The following TENT5D variants were observed in gnomAD, a reference collection of about 807,000 sequenced individuals.
TENT5D encodes the protein cancer/testis antigen 112.
For synonymous variants in TENT5D, 103 were observed against 100.6 expected (o/e 1.02, Z -0.15); for missense variants, 191 against 287.0 (o/e 0.67, Z 2.42).
chrX:80,413,636 T>C (rs1460370462), intron 3 of TENT5D, among the ~76,000 whole-genome samples: 2 of 111,942 alleles, frequency 1.8e-5, no homozygotes, highest in South Asian at 3.7e-4. Context: ...TTCTTCCTCA[T>C]TTTTCTCTTG....
At chrX:80,357,882 G>T (rs111524715) in intron 3 of TENT5D, among the ~76,000 whole-genome samples, 1,161 of 111,516 alleles carry the variant, frequency 0.01, 27 homozygotes, top group African/African-American at 0.036. Context: ...AACGAACAAC[G>T]CTGGAGGCAT....
intron 3 of TENT5D, among the ~76,000 whole-genome samples, chrX:80,374,190 T>C (rs1005011088): frequency 1.8e-5 from 2 of 111,870 alleles, no homozygotes; most frequent in Non-Finnish European, 3.8e-5. Context: ...TTTTTTTGGC[T>C]GCGTAGTATT....
At chrX:80,392,719 TGTTAGCCAGG>T (rs1931159525) in intron 3 of TENT5D, among the ~76,000 whole-genome samples, 1 of 104,440 alleles carries the variant, frequency 9.6e-6, no homozygotes, top group African/African-American at 3.5e-5. Flanking sequence ...GGTTTCACCT[TGTTAGCCAGG>T]ATGGTCTCGA....
chrX:80,401,057 A>C (rs1931381809), intron 3 of TENT5D, among the ~76,000 whole-genome samples: 1 of 112,002 alleles, frequency 8.9e-6, no homozygotes, highest in Non-Finnish European at 1.9e-5. Context: ...AATGTAAGCT[A>C]TCTTTCCATT....
At chrX:80,430,202 T>G (rs1486495043) in intron 1 of TENT5D, among the ~76,000 whole-genome samples, 7 of 111,712 alleles carry the variant, frequency 6.3e-5, no homozygotes, top group African/African-American at 9.8e-5. Flanking sequence ...CTTTATATAT[T>G]TATTGGGGTC....
chrX:80,424,675 C>A (rs1472189458), intron 1 of TENT5D, among the ~76,000 whole-genome samples: 1 of 112,408 alleles, frequency 8.9e-6, no homozygotes, highest in Non-Finnish European at 1.9e-5. Context: ...TTTCTCCAGT[C>A]CTCATTTTTG....
chrX:80,341,571 A>T (rs1422936811), intron 2 of TENT5D, among the ~76,000 whole-genome samples: 1 of 111,967 alleles, frequency 8.9e-6, no homozygotes, highest in Non-Finnish European at 1.9e-5. Context: ...CATAAAGCAT[A>T]TCAGGTTAAA....
At chrX:80,335,613 A>G (rs1929831713) in intron 1 of TENT5D, 1 of 111,414 alleles carries the variant, frequency 9.0e-6, no homozygotes, top group Non-Finnish European at 1.9e-5. Flanking sequence ...TCCTACTCCA[A>G]AGTCTTCTTA....
chrX:80,379,835 G>A (rs994074813), intron 3 of TENT5D, among the ~76,000 whole-genome samples: 1 of 109,912 alleles, frequency 9.1e-6, no homozygotes, highest in Non-Finnish European at 1.9e-5. Context: ...GCACCTATTT[G>A]ATTCTTCTCT....
At chrX:80,392,236 AG>A (rs1335639707) in intron 3 of TENT5D, among the ~76,000 whole-genome samples, 2 of 110,903 alleles carry the variant, frequency 1.8e-5, no homozygotes, top group African/African-American at 6.6e-5. Context: ...GATGTGTTTA[AG>A]AAGGATTTAG....
intron 1 of TENT5D, among the ~76,000 whole-genome samples, chrX:80,435,345 C>T (rs1447998915): frequency 2.7e-5 from 3 of 112,049 alleles, no homozygotes; most frequent in Non-Finnish European, 3.8e-5. Flanking sequence ...ATCTAGATTA[C>T]AATTCCAAAT....
intron 1 of TENT5D, among the ~76,000 whole-genome samples, chrX:80,434,206 G>GT (rs1932139745): frequency 1.1e-5 from 1 of 92,439 alleles, no homozygotes; most frequent in East Asian, 4.9e-4. Context: ...TGATCATAAA[G>GT]TAAAAAAAAA....
At chrX:80,416,466 T>C (rs1175384118), upstream of TENT5D, among the ~76,000 whole-genome samples, 1 of 109,072 alleles carries the variant, frequency 9.2e-6, no homozygotes, top group Non-Finnish European at 1.9e-5. Flanking sequence ...GCTTTAGTTG[T>C]GTCCCAGGGA....
upstream of TENT5D, among the ~76,000 whole-genome samples, chrX:80,416,640 G>T (rs889295811): frequency 9.1e-6 from 1 of 110,326 alleles, no homozygotes; most frequent in Non-Finnish European, 1.9e-5. Context: ...GGGGTGGGGG[G>T]TGCTGTGGTC....
intron 3 of TENT5D, among the ~76,000 whole-genome samples, chrX:80,349,365 C>G (rs113500157): frequency 0.01 from 1,151 of 111,710 alleles, 24 homozygotes; most frequent in African/African-American, 0.036. Flanking sequence ...AGGGATTCGA[C>G]TTCTTCCTGG....
intron 1 of TENT5D, among the ~76,000 whole-genome samples, chrX:80,436,879 A>G (rs758820187): frequency 9.0e-5 from 10 of 111,634 alleles, no homozygotes; most frequent in African/African-American, 2.9e-4. Context: ...AGGGCTCTCT[A>G]TTGGTACAGA....
chrX:80,388,788 C>G (rs1294873624), intron 3 of TENT5D, among the ~76,000 whole-genome samples: 5 of 111,702 alleles, frequency 4.5e-5, no homozygotes, highest in Non-Finnish European at 7.5e-5. Flanking sequence ...TCCACTGGCT[C>G]TGAGGTCAGC....
intron 3 of TENT5D, among the ~76,000 whole-genome samples, chrX:80,408,487 A>G (rs1198653741): frequency 9.1e-6 from 1 of 109,938 alleles, no homozygotes; most frequent in Non-Finnish European, 1.9e-5. Context: ...CAAATAAACT[A>G]GAAAATCTAG....
chrX:80,378,706 G>A (rs1244341747), intron 3 of TENT5D, among the ~76,000 whole-genome samples: 1 of 111,273 alleles, frequency 9.0e-6, no homozygotes, highest in South Asian at 3.8e-4. Flanking sequence ...TTGAAGTCAG[G>A]TAGCGTGATG....
Sources: gnomAD v4.1 joint callset for allele counts (sites outside exome capture counted in the v4.1 genomes callset) on GRCh38, gnomAD v4.1.1 for gene constraint, MANE v1.5 for transcripts, NCBI Gene and HGNC (gene_info 2026-07-23, HGNC 2026-07-21) for gene names.